The following LIMS4 variants were observed in gnomAD, a reference collection of about 807,000 sequenced individuals.
LIMS4 encodes the protein LIM and senescent cell antigen-like-containing domain protein 4.
the LIMS4 span, chr2:110,362,071 A>G: frequency 4.0e-6 from 5 of 1,239,866 alleles, no homozygotes; most frequent in Non-Finnish European, 5.8e-6. Context: ...GGCAGGTTTA[A>G]GGAGATTTGT....
the LIMS4 span, among the ~76,000 whole-genome samples, chr2:110,396,110 C>CCA: frequency 8.1e-6 from 1 of 123,362 alleles, no homozygotes; most frequent in Admixed American, 8.3e-5. Context: ...GCCTCTGCCA[C>CCA]CAGGCACCCC....
chr2:110,362,337 GAC>G, the LIMS4 span: 1 of 1,421,754 alleles, frequency 7.0e-7, no homozygotes, highest in East Asian at 2.5e-5. Context: ...GAATTTTTGT[GAC>G]AGTGTGTATG....
the LIMS4 span, among the ~76,000 whole-genome samples, chr2:110,424,505 G>A: frequency 2.1e-5 from 3 of 142,546 alleles, no homozygotes; most frequent in East Asian, 4.1e-4. Flanking sequence ...AAGCCCTGGC[G>A]GGCAAAGCAG....
At chr2:110,368,006 T>C in the LIMS4 span, among the ~76,000 whole-genome samples, 1 of 145,434 alleles carries the variant, frequency 6.9e-6, no homozygotes, top group Admixed American at 6.8e-5. Context: ...TTTCAAATTC[T>C]TGAAAAAAAG....
chr2:110,360,936 G>A, the LIMS4 span: 1 of 1,511,670 alleles, frequency 6.6e-7, no homozygotes, highest in East Asian at 2.3e-5. Flanking sequence ...TGAGGGATGT[G>A]TTCGTGGAAC....
chr2:110,425,122 C>A, the LIMS4 span, among the ~76,000 whole-genome samples: 2 of 136,840 alleles, frequency 1.5e-5, no homozygotes, highest in Admixed American at 7.1e-5. Flanking sequence ...GCTTCATTCT[C>A]GAAGACCAGG....
chr2:110,362,520 TTTG>T, the LIMS4 span: 1 of 1,391,580 alleles, frequency 7.2e-7, no homozygotes, highest in African/African-American at 1.5e-5. Context: ...GGAGGCTGCA[TTTG>T]TTGTAAAAAA....
the LIMS4 span, among the ~76,000 whole-genome samples, chr2:110,392,021 A>T: frequency 1.3e-5 from 2 of 151,106 alleles, no homozygotes. Flanking sequence ...TAAATTTGGG[A>T]TAAATCTGTT....
chr2:110,422,418 G>A, the LIMS4 span, among the ~76,000 whole-genome samples: 1 of 83,010 alleles, frequency 1.2e-5, no homozygotes, highest in Non-Finnish European at 2.0e-5. Flanking sequence ...TGGTGTGGAG[G>A]TTTTTCCATC....
At chr2:110,425,522 A>G in the LIMS4 span, among the ~76,000 whole-genome samples, 1 of 140,104 alleles carries the variant, frequency 7.1e-6, no homozygotes, top group African/African-American at 3.1e-5. Flanking sequence ...TTTACAAGGC[A>G]AAAGAGCCTT....
At chr2:110,371,553 C>G in the LIMS4 span, among the ~76,000 whole-genome samples, 11 of 133,766 alleles carry the variant, frequency 8.2e-5, 2 homozygotes, top group African/African-American at 1.5e-4. Context: ...AACCTGAAGT[C>G]TCAACACTGT....
chr2:110,392,436 C>CAAA, the LIMS4 span, among the ~76,000 whole-genome samples: 4 of 131,686 alleles, frequency 3.0e-5, no homozygotes, highest in East Asian at 2.2e-4. Flanking sequence ...GAGTCCGTCT[C>CAAA]AAAAAAAAAA....
chr2:110,371,223 G>C, the LIMS4 span, among the ~76,000 whole-genome samples: 3 of 89,146 alleles, frequency 3.4e-5, 1 homozygote, highest in Non-Finnish European at 6.3e-5. Flanking sequence ...TTACTGTTTC[G>C]TTTCTATTAA....
the LIMS4 span, chr2:110,361,323 C>T: frequency 7.1e-7 from 1 of 1,399,384 alleles, no homozygotes; most frequent in South Asian, 1.1e-5. Context: ...AAAGGCTTGT[C>T]ACGCTGGCAG....
At chr2:110,360,962 G>A in the LIMS4 span, 11 of 1,572,638 alleles carry the variant, frequency 7.0e-6, no homozygotes, top group East Asian at 2.0e-4. Context: ...CAGGTTTTCG[G>A]TGGTGAAGCC....
At chr2:110,411,560 C>T in the LIMS4 span, among the ~76,000 whole-genome samples, 3 of 137,928 alleles carry the variant, frequency 2.2e-5, no homozygotes, top group South Asian at 2.3e-4. Context: ...TGTCCACAAA[C>T]GTAAGCAGTT....
chr2:110,424,248 G>C, the LIMS4 span: 1 of 25,930 alleles, frequency 3.9e-5, no homozygotes. Context: ...CCAGGAGAGC[G>C]TAGTGTGGGC....
chr2:110,390,682 G>A, the LIMS4 span, among the ~76,000 whole-genome samples: 1 of 149,552 alleles, frequency 6.7e-6, no homozygotes, highest in East Asian at 2.0e-4. Context: ...GTCCGAGCTG[G>A]TCCGTGGTAG....
the LIMS4 span, chr2:110,361,393 TC>T: frequency 1.2e-4 from 86 of 723,590 alleles, 1 homozygote; most frequent in Non-Finnish European, 1.8e-4. Flanking sequence ...TGTACACATC[TC>T]TCTGCATGAA....
Sources: allele counts gnomAD v4.1 joint callset (sites outside exome capture counted in the v4.1 genomes callset), GRCh38; gene constraint gnomAD v4.1.1; transcripts MANE v1.5; gene names NCBI Gene and HGNC (gene_info 2026-07-23, HGNC 2026-07-21).